Variants in KIAA0232 observed in about 807,000 individuals in gnomAD.
KIAA0232 encodes the protein KIAA0232, also known as uncharacterized protein KIAA0232.
In KIAA0232, 27 loss-of-function variants were observed where a neutral mutation model predicts 122.0. The ratio of observed to expected loss-of-function variants is 0.22; its 90% CI spans 0.16 to 0.31. KIAA0232 has a LOEUF of 0.31. KIAA0232 is among the 10% of genes least tolerant of loss of function. The pLI, the probability that KIAA0232 is intolerant of heterozygous loss-of-function variation, is 1.00. For synonymous variants in KIAA0232, 613 were observed against 587.6 expected (o/e 1.04, Z -0.63); for missense variants, 1,551 against 1,634.2 (o/e 0.95, Z 0.88).
rs547238810 is a variant in KIAA0232 at position 6,881,206 on chromosome 4, C to T, written c.*240C>T. 5.7e-6 allele frequency: 2 copies of T among 351,970 alleles called. No individual in the cohort carries two copies. The highest frequency in any genetic ancestry group is 9.6e-5 in the Admixed American group (2 of 20,844). 21.8% of individuals were successfully genotyped at this position (351,970 alleles called of 1,614,324 possible). On this transcript the variant is annotated 3_prime_UTR_variant, in exon 10 of 10. Transcript: ENST00000307659. ...TTTGAAATAGACTAGATTGTGTTGT[C>T]AAATCAAGAATGGGTGTGCATGTGC...
Position 6,824,371 on chromosome 4 carries a change from G to C in KIAA0232, c.-83G>C. On this transcript the variant is annotated 5_prime_UTR_variant, in exon 3 of 10. Coordinates refer to ENST00000307659, the MANE Select transcript of KIAA0232 (RefSeq NM_014743.3). ...TGTCAAGCATCTCTACTTTTTACTG[G>C]AGTGAAAATCCCCTCCAGATACCAA... The C allele has an allele frequency of 8.9e-7, 1 of 1,118,842 alleles. No homozygotes were observed. Among genetic ancestry groups the C allele is most frequent in the Non-Finnish European group, 1.4e-6 (1 of 731,324 alleles). 69.3% of individuals were successfully genotyped at this position (1,118,842 alleles called of 1,614,324 possible).
chr4:6,860,847 T>C, intron 6 of KIAA0232, 54 bp from the exon 7 acceptor site: 1 of 1,473,612 alleles, frequency 6.8e-7, no homozygotes. Flanking sequence ...GTTGTTTTAC[T>C]GTATCTAAAA....
chr4:6,830,342 A>G (rs187441379), intron 3 of KIAA0232, among the ~76,000 whole-genome samples: 83 of 151,886 alleles, frequency 5.5e-4, no homozygotes, highest in Non-Finnish European at 1.1e-3. Flanking sequence ...CCCAGTGGCA[A>G]CTTGATCCAG....
chr4:6,811,920 A>T (rs562749472), intron 2 of KIAA0232, among the ~76,000 whole-genome samples: 1 of 151,878 alleles, frequency 6.6e-6, no homozygotes, highest in African/African-American at 2.4e-5. Context: ...AATAGGCTTT[A>T]GTTGTTCTTG....
At chr4:6,865,490 G>A (rs1456647838) in intron 7 of KIAA0232, among the ~76,000 whole-genome samples, 1 of 152,298 alleles carries the variant, frequency 6.6e-6, no homozygotes, top group African/African-American at 2.4e-5. Context: ...TAGTAGAGAC[G>A]GGGTTTTACC....
Position 6,879,996 on chromosome 4 carries a change from A to ACC in KIAA0232, c.4009-790_4009-789insCC, listed in dbSNP as rs1721984740. On this transcript the variant is annotated intron_variant, in intron 9 of 9. Coordinates refer to ENST00000307659, the MANE Select transcript of KIAA0232 (RefSeq NM_014743.3). ...TCACTGCAAACTCCCTTCCCAACACACAGGTCTGTAGTGTCGCCTCACCAT... is the reference window on the plus strand; with the variant it reads ...TCACTGCAAACTCCCTTCCCAACACACCCAGGTCTGTAGTGTCGCCTCACCAT... Among the ~76,000 whole-genome samples, 5 of 83,942 alleles carry ACC rather than the reference A, an allele frequency of 6.0e-5. 1 individual carries two copies. The highest frequency in any genetic ancestry group is 1.2e-4 in the Admixed American group (1 of 8,150). The allele number at this position is 83,942 out of a possible 152,430, so 55.1% of individuals were successfully genotyped here.
chr4:6,842,248 G>A, intron 4 of KIAA0232, 44 bp downstream of exon 4: 1 of 1,539,278 alleles, frequency 6.5e-7, no homozygotes, highest in Non-Finnish European at 8.7e-7. Context: ...AATAAAAGAA[G>A]GGGTGATTTA....
chr4:6,850,504 AT>A (rs1396276073), intron 4 of KIAA0232, among the ~76,000 whole-genome samples: 2 of 152,126 alleles, frequency 1.3e-5, no homozygotes, highest in Non-Finnish European at 2.9e-5. Context: ...TTAGTTAAAA[AT>A]TTTAAAATTT....
Position 6,862,116 on chromosome 4 carries a change from C to T in KIAA0232, c.1734C>T (p.Gly578=), listed in dbSNP as rs745959761. 2 of 1,614,136 alleles carry T rather than the reference C, an allele frequency of 1.2e-6. No individual in the cohort carries two copies. The highest frequency in any genetic ancestry group is 1.7e-6 in the Non-Finnish European group (2 of 1,180,028). The part of the protein sequence containing the change: ...TDSTSSVGAE[G]LFLQDLGNLA... ...CTACCAGCTCCGTAGGTGCTGAGGG[C>T]TTATTCCTGCAGGACCTTGGCAATC... The change falls in exon 7 of 10, where the codon GGC becomes GGT. Residue 578 remains glycine, a synonymous_variant. Transcript: ENST00000307659.
chr4:6,793,149 C>T (rs1158980978), intron 1 of KIAA0232, among the ~76,000 whole-genome samples: 1 of 152,076 alleles, frequency 6.6e-6, no homozygotes, highest in Non-Finnish European at 1.5e-5. Flanking sequence ...ATTAACATTA[C>T]CTAATGTTAA....
At chr4:6,870,090 A>G (rs1721394006) in intron 7 of KIAA0232, among the ~76,000 whole-genome samples, 1 of 152,218 alleles carries the variant, frequency 6.6e-6, no homozygotes, top group Non-Finnish European at 1.5e-5. Flanking sequence ...GACTGCCAGC[A>G]TGCCAGGTAT....
Position 6,842,138 on chromosome 4 carries a change from A to G in KIAA0232, c.303A>G (p.Ser101=). Residue 101 remains serine, a synonymous_variant, in exon 4 of 10, where the codon TCA becomes TCG. Coordinates refer to ENST00000307659, the MANE Select transcript of KIAA0232 (RefSeq NM_014743.3). ...KKWGKSKKKC[S]DLTLEEMKKQ... is the part of the protein sequence containing the mutation. ...GGGGAAAGAGTAAGAAAAAATGTTC[A>G]GATCTAACTCTAGAAGAAATGAAAA... is the stretch of plus-strand genomic sequence containing the variant. 6.2e-7 allele frequency: 1 copy of G among 1,613,256 alleles called. No homozygotes were observed.
At chr4:6,784,297 G>A (rs967833090) in intron 1 of KIAA0232, among the ~76,000 whole-genome samples, 16 of 152,148 alleles carry the variant, frequency 1.1e-4, no homozygotes, top group African/African-American at 2.2e-4. Flanking sequence ...GTAGGGACAA[G>A]CAGTTTTGGT....
chr4:6,783,809 C>A (rs1716481973), intron 1 of KIAA0232, among the ~76,000 whole-genome samples: 1 of 152,174 alleles, frequency 6.6e-6, no homozygotes, highest in Non-Finnish European at 1.5e-5. Flanking sequence ...CAAACCCTGT[C>A]GCGAGGGCGC....
intron 4 of KIAA0232, among the ~76,000 whole-genome samples, chr4:6,856,112 T>A (rs746394592): frequency 8.9e-6 from 1 of 111,940 alleles, no homozygotes; most frequent in Non-Finnish European, 2.1e-5. Flanking sequence ...TTCTTGCTAC[T>A]CAAACTGTGT....
chr4:6,840,199 G>A (rs940648300), intron 3 of KIAA0232, among the ~76,000 whole-genome samples: 6 of 152,128 alleles, frequency 3.9e-5, no homozygotes, highest in Non-Finnish European at 8.8e-5. Context: ...TCCTTGTAGG[G>A]TAAAGGGTGG....
chr4:6,800,189 C>T (rs1241470821), intron 1 of KIAA0232, among the ~76,000 whole-genome samples: 1 of 148,220 alleles, frequency 6.7e-6, no homozygotes. Flanking sequence ...TCCCGAGTAG[C>T]TAGTATTACA....
chr4:6,806,173 A>G (rs1577361362), intron 2 of KIAA0232, among the ~76,000 whole-genome samples: 1 of 152,190 alleles, frequency 6.6e-6, no homozygotes, highest in Non-Finnish European at 1.5e-5. Context: ...TTTTGAAGGC[A>G]TAAAAACTGC....
chr4:6,835,831 G>A (rs990898186), intron 3 of KIAA0232, among the ~76,000 whole-genome samples: 1 of 152,288 alleles, frequency 6.6e-6, no homozygotes, highest in African/African-American at 2.4e-5. Flanking sequence ...GTATTCCATG[G>A]TGTATATGTG....
Sources: allele counts gnomAD v4.1 joint callset (sites outside exome capture counted in the v4.1 genomes callset), GRCh38; gene constraint gnomAD v4.1.1; transcripts MANE v1.5; gene names NCBI Gene and HGNC (gene_info 2026-07-23, HGNC 2026-07-21).